The following ALPK2 variants were observed in gnomAD, a reference collection of about 807,000 sequenced individuals.
ALPK2 encodes alpha-protein kinase 2.
Under a neutral mutation model 163.1 loss-of-function variants are expected in ALPK2, and 127 were observed. That is an observed-to-expected ratio of 0.78 (90% CI 0.67 to 0.90). The LOEUF (loss-of-function observed/expected upper bound fraction) is 0.90, where lower values mean the gene tolerates loss of function less well. Ranked by LOEUF, ALPK2 falls within the 40% of genes least tolerant of loss-of-function variation. The pLI, the probability that ALPK2 is intolerant of heterozygous loss-of-function variation, is 0.00. For synonymous variants in ALPK2, 953 were observed against 959.1 expected (o/e 0.99, Z 0.12); for missense variants, 2,360 against 2,589.6 (o/e 0.91, Z 1.92).
chr18:58,587,147 C>A (rs1382734232), intron 3 of ALPK2, among the ~76,000 whole-genome samples: 1 of 152,100 alleles, frequency 6.6e-6, no homozygotes, highest in African/African-American at 2.4e-5. Context: ...AACTGGGAGA[C>A]CCATTGGTTC....
intron 3 of ALPK2, among the ~76,000 whole-genome samples, chr18:58,596,792 G>A (rs1022794876): frequency 1.3e-5 from 2 of 151,924 alleles, no homozygotes; most frequent in Non-Finnish European, 2.9e-5. Context: ...CCCTGGATGC[G>A]TTGTGTTAAT....
At chr18:58,597,626 A>G (rs149500237) in intron 3 of ALPK2, among the ~76,000 whole-genome samples, 48 of 152,324 alleles carry the variant, frequency 3.2e-4, no homozygotes, top group African/African-American at 1.1e-3. Flanking sequence ...AGAGTGCTGC[A>G]GATTTCTGAT....
At chr18:58,531,692 C>T (rs1360697954) in intron 5 of ALPK2, among the ~76,000 whole-genome samples, 6 of 145,060 alleles carry the variant, frequency 4.1e-5, no homozygotes, top group East Asian at 2.1e-4. Flanking sequence ...CATGGTGGCT[C>T]ATTTTGGGAG....
chr18:58,498,292 A>G (rs74530934), intron 11 of ALPK2, among the ~76,000 whole-genome samples, 195 bp from the exon 12 acceptor site: 1 of 152,132 alleles, frequency 6.6e-6, no homozygotes, highest in East Asian at 1.9e-4. Context: ...AGGGGGAATC[A>G]AGTCTCATGT....
chr18:58,622,035 A>G (rs1035234980), intron 1 of ALPK2, among the ~76,000 whole-genome samples: 1 of 151,874 alleles, frequency 6.6e-6, no homozygotes, highest in African/African-American at 2.4e-5. Context: ...AAAAAAAAAA[A>G]AAGCTCAAGG....
At chr18:58,520,150 G>A (rs56163056) in intron 8 of ALPK2, among the ~76,000 whole-genome samples, 3,428 of 152,066 alleles carry the variant, frequency 0.023, 132 homozygotes, top group African/African-American at 0.078. Flanking sequence ...AAGAGAGGCC[G>A]GGTGTGGTGG....
rs150536290 is a variant in ALPK2, at chr18:58,619,137, G to A, written c.-20-7320C>T. On this transcript the variant is annotated intron_variant, in intron 1 of 12. Transcript: ENST00000361673. Reference sequence around the variant, plus strand: ...TATCCAAAGATGGTTTCTGTAAATTGCATGGGGAGGAAGAAGACCATGTCG... The same window carrying A: ...TATCCAAAGATGGTTTCTGTAAATTACATGGGGAGGAAGAAGACCATGTCG... Among the ~76,000 whole-genome samples, 555 of 152,326 alleles carry A rather than the reference G, an allele frequency of 3.6e-3. 1 individual carries two copies. Among genetic ancestry groups the A allele is most frequent in the Non-Finnish European group, 6.1e-3 (416 of 68,028 alleles).
intron 4 of ALPK2, among the ~76,000 whole-genome samples, chr18:58,567,433 C>T (rs1205453065): frequency 6.6e-6 from 1 of 151,950 alleles, no homozygotes; most frequent in Non-Finnish European, 1.5e-5. Context: ...AACTTAGGGA[C>T]CTATGTTGTT....
chr18:58,621,123 A>G (rs537832881), intron 1 of ALPK2, among the ~76,000 whole-genome samples: 1 of 151,694 alleles, frequency 6.6e-6, no homozygotes, highest in African/African-American at 2.4e-5. Context: ...ACTGCACTCC[A>G]GTATGGACAA....
intron 4 of ALPK2, among the ~76,000 whole-genome samples, chr18:58,544,051 T>C: frequency 6.6e-6 from 1 of 152,126 alleles, no homozygotes; most frequent in East Asian, 1.9e-4. Flanking sequence ...GGTCTAAGGG[T>C]AGGGACTCAG....
At chr18:58,573,268 A>ATATG (rs2051897013) in intron 4 of ALPK2, among the ~76,000 whole-genome samples, 1 of 147,892 alleles carries the variant, frequency 6.8e-6, no homozygotes, top group Admixed American at 6.8e-5. Context: ...ATATGTGTAT[A>ATATG]TATATGTATA....
At chr18:58,604,696 C>T (rs2052089138) in intron 3 of ALPK2, among the ~76,000 whole-genome samples, 1 of 152,184 alleles carries the variant, frequency 6.6e-6, no homozygotes. Context: ...TCCTAGTAGA[C>T]GGGCTATTTT....
intron 10 of ALPK2, among the ~76,000 whole-genome samples, chr18:58,504,767 G>A (rs1368879939): frequency 6.6e-6 from 1 of 152,228 alleles, no homozygotes; most frequent in Non-Finnish European, 1.5e-5. Context: ...GGCATGCGGT[G>A]GAGTGGGGCA....
At chr18:58,620,875 G>A (rs576803935) in intron 1 of ALPK2, among the ~76,000 whole-genome samples, 1 of 152,182 alleles carries the variant, frequency 6.6e-6, no homozygotes, top group Non-Finnish European at 1.5e-5. Flanking sequence ...AACGAGACAG[G>A]CCCGGCACGG....
At chr18:58,590,082 G>A (rs747247254) in intron 3 of ALPK2, among the ~76,000 whole-genome samples, 2 of 152,096 alleles carry the variant, frequency 1.3e-5, no homozygotes, top group Non-Finnish European at 1.5e-5. Context: ...TTAGCCAGGT[G>A]TGGTGGCACG....
intron 10 of ALPK2, among the ~76,000 whole-genome samples, chr18:58,504,359 G>A (rs2144113459): frequency 6.6e-6 from 1 of 152,300 alleles, no homozygotes; most frequent in East Asian, 1.9e-4. Context: ...TTGGGAGGGG[G>A]TTTAATTGCT....
intron 12 of ALPK2, among the ~76,000 whole-genome samples, chr18:58,496,534 G>T (rs999513902): frequency 6.6e-6 from 1 of 152,218 alleles, no homozygotes; most frequent in African/African-American, 2.4e-5. Context: ...GAGGTTAAAA[G>T]AAAGAGCGAT....
intron 4 of ALPK2, among the ~76,000 whole-genome samples, chr18:58,541,515 A>G (rs1238104604): frequency 6.6e-6 from 1 of 152,244 alleles, no homozygotes; most frequent in African/African-American, 2.4e-5. Context: ...TTAAATTAAA[A>G]TTCTACTTCA....
At chr18:58,497,723 T>C (rs980253277) in intron 12 of ALPK2, among the ~76,000 whole-genome samples, 12 of 152,188 alleles carry the variant, frequency 7.9e-5, no homozygotes, top group African/African-American at 2.9e-4. Context: ...ATATTAAATG[T>C]AAAAGAACGG....
Sources: allele counts gnomAD v4.1 joint callset (sites outside exome capture counted in the v4.1 genomes callset), GRCh38; gene constraint gnomAD v4.1.1; transcripts MANE v1.5; gene names NCBI Gene and HGNC (gene_info 2026-07-23, HGNC 2026-07-21).